ERC2: variants seen among roughly 807,000 people sequenced by gnomAD.
ERC2 encodes ERC protein 2.
A neutral mutation model predicts 114.8 loss-of-function variants in ERC2; 42 were observed. The ratio of observed to expected loss-of-function variants is 0.37; its 90% confidence interval spans 0.29 to 0.47. The LOEUF (loss-of-function observed/expected upper bound fraction) is 0.47. Ranked by LOEUF, ERC2 falls within the 20% of genes least tolerant of loss-of-function variation. ERC2 has a pLI of 0.99. For missense variants in ERC2, 939 were observed against 1,150.7 expected, an observed-to-expected ratio of 0.82 and a Z score of 2.66; for synonymous variants, 454 against 425.5, an observed-to-expected ratio of 1.07 and a Z score of -0.82.
intron 2 of ERC2, among the ~76,000 whole-genome samples, chr3:56,325,985 C>G (rs952655974): frequency 2.0e-5 from 3 of 152,236 alleles, no homozygotes; most frequent in Non-Finnish European, 4.4e-5. Flanking sequence ...GTTGCATGCT[C>G]TTCTTGCAGA....
chr3:55,526,742 G>A (rs764348477), intron 17 of ERC2, among the ~76,000 whole-genome samples: 5 of 152,198 alleles, frequency 3.3e-5, no homozygotes, highest in Non-Finnish European at 5.9e-5. Flanking sequence ...CAGGAAGCAC[G>A]AGGGGACTCG....
intron 2 of ERC2, among the ~76,000 whole-genome samples, chr3:56,370,068 C>T: frequency 6.6e-6 from 1 of 152,152 alleles, no homozygotes; most frequent in East Asian, 1.9e-4. Flanking sequence ...AAGACTTGTC[C>T]AGGCACAGGG....
At chr3:55,932,204 AACCT>A (rs1200396320) in intron 13 of ERC2, among the ~76,000 whole-genome samples, 16 of 152,338 alleles carry the variant, frequency 1.1e-4, no homozygotes, top group Middle Eastern at 3.4e-3. Context: ...CATGATGGAT[AACCT>A]AGGGTCTAAA....
chr3:56,072,441 G>A (rs968917812), intron 7 of ERC2: 28 of 152,282 alleles, frequency 1.8e-4, no homozygotes, highest in African/African-American at 6.7e-4. Context: ...ATAACTTTCT[G>A]TGTAATATAT....
intron 17 of ERC2, among the ~76,000 whole-genome samples, chr3:55,597,985 A>G (rs73830658): frequency 0.031 from 4,794 of 152,292 alleles, 250 homozygotes; most frequent in African/African-American, 0.11. Context: ...GGGAAGCCAC[A>G]TCGCCTGCTT....
chr3:55,770,360 A>C (rs962993996), intron 14 of ERC2, among the ~76,000 whole-genome samples: 1 of 152,220 alleles, frequency 6.6e-6, no homozygotes, highest in African/African-American at 2.4e-5. Flanking sequence ...TGGAATTTTA[A>C]AAATTTATTT....
At chr3:55,601,557 C>T (rs1345997947) in intron 17 of ERC2, among the ~76,000 whole-genome samples, 1 of 152,206 alleles carries the variant, frequency 6.6e-6, no homozygotes, top group South Asian at 2.1e-4. Flanking sequence ...CTGTAAAATG[C>T]CACGAGTCCA....
chr3:56,304,430 T>C (rs894594790), intron 2 of ERC2, among the ~76,000 whole-genome samples: 1 of 152,206 alleles, frequency 6.6e-6, no homozygotes, highest in Admixed American at 6.5e-5. Flanking sequence ...AGCTATTAAA[T>C]AAATAGAATC....
rs148393250 is a variant in ERC2 at position 55,771,108 on chromosome 3, G to A, written c.2565-36190C>T. On this transcript the variant is annotated intron_variant, in intron 14 of 17. Coordinates refer to ENST00000288221, the MANE Select transcript of ERC2 (RefSeq NM_015576.3). ...GTAAATAGTGCTGCAATAAACATAC[G>A]TGTGTATGTGTCTTTATAGTAGAAT... 2.3e-4 allele frequency among the ~76,000 whole-genome samples: 35 copies of A among 152,284 alleles called. 1 individual carries two copies. The East Asian group carries it at 5.6e-3, about 24-fold the overall frequency.
At chr3:55,994,584 C>G (rs1448709264) in intron 10 of ERC2, among the ~76,000 whole-genome samples, 1 of 129,618 alleles carries the variant, frequency 7.7e-6, no homozygotes, top group Non-Finnish European at 1.6e-5. Flanking sequence ...AGAAATACAG[C>G]TTGTTACTCA....
At chr3:56,427,806 C>T (rs555336885) in intron 2 of ERC2, among the ~76,000 whole-genome samples, 91 of 152,278 alleles carry the variant, frequency 6.0e-4, no homozygotes, top group African/African-American at 2.1e-3. Flanking sequence ...GATTTCTTCC[C>T]TCCAGAACTC....
At chr3:55,764,891 C>T (rs2067671670) in intron 14 of ERC2, among the ~76,000 whole-genome samples, 1 of 152,122 alleles carries the variant, frequency 6.6e-6, no homozygotes, top group South Asian at 2.1e-4. Context: ...ACAGAATATG[C>T]AGTGGTGAGG....
At chr3:56,289,488 G>A (rs1244389031) in intron 3 of ERC2, among the ~76,000 whole-genome samples, 1 of 152,160 alleles carries the variant, frequency 6.6e-6, no homozygotes, top group East Asian at 1.9e-4. Flanking sequence ...ACAGAGTAAA[G>A]CCACTTCCCT....
At chr3:55,734,278 C>G (rs1346832280) in intron 15 of ERC2, among the ~76,000 whole-genome samples, 1 of 152,078 alleles carries the variant, frequency 6.6e-6, no homozygotes. Flanking sequence ...CTGGGAGATG[C>G]TCCTTGGCTG....
rs1426167393 is a variant in ERC2, at chr3:56,344,199, C to T, written c.658-47764G>A. ...CAAGAAGGAAAGCAAAGAAAACAAA[C>T]GTGAGAAAAGGGCCAAGGCAGGCCT... On this transcript the variant is annotated intron_variant, in intron 2 of 17. Transcript: ENST00000288221. Among the ~76,000 whole-genome samples, 5 of 152,298 alleles carry T rather than the reference C, an allele frequency of 3.3e-5. No homozygotes were observed. The East Asian group carries it at 7.7e-4, about 23-fold the overall frequency.
intron 3 of ERC2, among the ~76,000 whole-genome samples, chr3:56,186,952 ACAAGGACTTCCATG>A (rs1450814631): frequency 6.6e-6 from 1 of 152,204 alleles, no homozygotes; most frequent in East Asian, 1.9e-4. Flanking sequence ...AGAGCCTGAG[ACAAGGACTTCCATG>A]CAAGTGGTTT....
chr3:56,173,587 AG>A (rs1387911773), intron 3 of ERC2, 67 bp from the exon 4 acceptor site: 8 of 1,475,376 alleles, frequency 5.4e-6, no homozygotes, highest in Non-Finnish European at 7.6e-6. Flanking sequence ...ACCTTTACAC[AG>A]GTACTACACA....
At chr3:55,621,019 T>C (rs1287136274) in intron 17 of ERC2, among the ~76,000 whole-genome samples, 1 of 152,220 alleles carries the variant, frequency 6.6e-6, no homozygotes, top group African/African-American at 2.4e-5. Context: ...TTTTATCTTA[T>C]AGGGATATGA....
At chr3:56,039,044 C>G (rs762882254) in intron 7 of ERC2, among the ~76,000 whole-genome samples, 1 of 152,082 alleles carries the variant, frequency 6.6e-6, no homozygotes, top group Non-Finnish European at 1.5e-5. Context: ...TTATTGCCAT[C>G]GGGCAGACAG....
Sources: allele counts gnomAD v4.1 joint callset (sites outside exome capture counted in the v4.1 genomes callset), GRCh38; gene constraint gnomAD v4.1.1; transcripts MANE v1.5; gene names NCBI Gene and HGNC (gene_info 2026-07-23, HGNC 2026-07-21).